The following FRMPD4 variants were observed in gnomAD, a reference collection of about 807,000 sequenced individuals.
FRMPD4 encodes the protein FERM and PDZ domain containing 4.
In FRMPD4, 22 loss-of-function variants were observed where a neutral mutation model predicts 94.1. The observed-to-expected ratio is 0.23, with a 90% CI of 0.17 to 0.33. FRMPD4 has a LOEUF of 0.33. Ranked by LOEUF, FRMPD4 falls within the 10% of genes least tolerant of loss-of-function variation. FRMPD4 has a pLI of 1.00. For missense variants in FRMPD4, 1,111 were observed against 1,339.9 expected (o/e 0.83, Z 2.67); for synonymous variants, 631 against 548.6 (o/e 1.15, Z -2.10).
At chrX:12,053,398 GAA>G (rs1355382735) in intron 3 of FRMPD4, among the ~76,000 whole-genome samples, 7 of 88,943 alleles carry the variant, frequency 7.9e-5, no homozygotes, top group East Asian at 7.3e-4. Flanking sequence ...AAGAAAGAAA[GAA>G]AGAAAGAAAG....
chrX:11,981,648 C>T (rs764542208), intron 3 of FRMPD4, among the ~76,000 whole-genome samples: 11 of 111,334 alleles, frequency 9.9e-5, no homozygotes, highest in Admixed American at 4.8e-4. Flanking sequence ...CAAGCAAGTA[C>T]GGTCTATCAT....
chrX:11,907,857 T>C, intron 3 of FRMPD4, among the ~76,000 whole-genome samples: 1 of 111,375 alleles, frequency 9.0e-6, no homozygotes, highest in Non-Finnish European at 1.9e-5. Flanking sequence ...GTAACTTGCT[T>C]TGCTTTAATC....
intron 3 of FRMPD4, among the ~76,000 whole-genome samples, chrX:11,999,873 G>A (rs1402618737): frequency 5.6e-5 from 6 of 107,763 alleles, no homozygotes; most frequent in Non-Finnish European, 9.4e-5. Context: ...TGATGGCTCT[G>A]TCTGTCTTTG....
intron 3 of FRMPD4, among the ~76,000 whole-genome samples, chrX:12,613,805 G>A (rs1051709589): frequency 2.7e-5 from 3 of 111,821 alleles, no homozygotes; most frequent in African/African-American, 6.5e-5. Flanking sequence ...GTGAAACCCC[G>A]TCTCTACTAA....
At chrX:12,208,593 GTT>G (rs2056720416) in intron 1 of FRMPD4, among the ~76,000 whole-genome samples, 1 of 111,685 alleles carries the variant, frequency 9.0e-6, no homozygotes, top group East Asian at 2.8e-4. Context: ...ATAGCTGATT[GTT>G]AATTACTGTT....
intron 1 of FRMPD4, among the ~76,000 whole-genome samples, chrX:12,448,897 A>G (rs931674337): frequency 1.8e-5 from 2 of 111,699 alleles, no homozygotes; most frequent in African/African-American, 6.5e-5. Context: ...GCAGGCATGG[A>G]CTTAATGTCC....
At chrX:12,025,507 G>A (rs955447056) in intron 3 of FRMPD4, among the ~76,000 whole-genome samples, 8 of 111,731 alleles carry the variant, frequency 7.2e-5, no homozygotes, top group South Asian at 3.8e-4. Context: ...TCACATCTTT[G>A]TGTAATCTCC....
rs182981578 is a variant in FRMPD4 at position 12,043,644 on chromosome X, A to T, written c.95+165626A>T. On this transcript the variant is annotated intron_variant, in intron 3 of 18. Transcript: ENST00000640291. ...GTTTTCTCTAATCTATAGCACAATT[A>T]AAAAAAAGTAACAATTTAACATGCT... Among the ~76,000 whole-genome samples the T allele has an allele frequency of 5.6e-3, 630 of 111,660 alleles. 3 individuals are homozygous for T. Among genetic ancestry groups the T allele is most frequent in the African/African-American group, 0.019 (598 of 30,798 alleles).
At chrX:12,080,910 C>T (rs1251568851) in intron 3 of FRMPD4, among the ~76,000 whole-genome samples, 1 of 111,944 alleles carries the variant, frequency 8.9e-6, no homozygotes, top group African/African-American at 3.2e-5. Flanking sequence ...TTACCTTCCC[C>T]CAAAATGTGC....
intron 1 of FRMPD4, among the ~76,000 whole-genome samples, chrX:12,260,809 C>T (rs2054178191): frequency 8.9e-6 from 1 of 112,014 alleles, no homozygotes; most frequent in Admixed American, 9.4e-5. Context: ...CCCAATAAAG[C>T]ATGCTGTTTC....
At chrX:12,105,740 T>A (rs2055291816) in intron 3 of FRMPD4, among the ~76,000 whole-genome samples, 1 of 112,233 alleles carries the variant, frequency 8.9e-6, no homozygotes, top group Admixed American at 9.4e-5. Context: ...ATTCATTTAG[T>A]ATTTATTTAT....
intron 1 of FRMPD4, among the ~76,000 whole-genome samples, chrX:12,411,742 C>G: frequency 8.9e-6 from 1 of 111,816 alleles, no homozygotes; most frequent in East Asian, 2.8e-4. Context: ...TTTCTGCCCT[C>G]TGTTATTGCA....
chrX:12,389,473 C>A (rs866473508), intron 1 of FRMPD4, among the ~76,000 whole-genome samples: 10 of 92,089 alleles, frequency 1.1e-4, no homozygotes, highest in Admixed American at 1.2e-4. Context: ...AGATCCATCT[C>A]AAAAAAAAAA....
At chrX:11,973,381 A>G (rs777514375) in intron 3 of FRMPD4, among the ~76,000 whole-genome samples, 2 of 112,026 alleles carry the variant, frequency 1.8e-5, no homozygotes, top group Non-Finnish European at 3.8e-5. Flanking sequence ...TCAGGTATAA[A>G]TCCATCTCCA....
At chrX:12,277,052 C>T (rs1402550712) in intron 1 of FRMPD4, among the ~76,000 whole-genome samples, 37 of 96,479 alleles carry the variant, frequency 3.8e-4, no homozygotes, top group African/African-American at 1.2e-3. Context: ...ACCCGGGAGG[C>T]GGAGCTTGCA....
rs760321464 is a variant in FRMPD4 at position 12,386,962 on chromosome X, G to C, written c.42-111718G>C. ...AAAAGCATTTGCTGAACAGTTAGTA[G>C]TTATACTAGAAAGAAATCAAAGTAT... On this transcript the variant is annotated intron_variant, in intron 1 of 16. Transcript: ENST00000675598. 2.7e-5 allele frequency among the ~76,000 whole-genome samples: 3 copies of C among 111,959 alleles called. No individual in the cohort carries two copies. The East Asian group carries it at 8.4e-4, about 31-fold the overall frequency.
rs139115133 is a variant in FRMPD4 at position 12,175,020 on chromosome X, C to T, written c.41+36008C>T. The stretch of plus-strand genomic sequence containing the variant: ...TTGATTTTGATAGTTGCATGTCTTC[C>T]CAAATAGGATGTAAGCTTCTAGACT... On this transcript the variant is annotated intron_variant, in intron 1 of 16. Transcript: ENST00000675598. Among the ~76,000 whole-genome samples, 6 of 112,102 alleles carry T rather than the reference C, an allele frequency of 5.4e-5. No individual in the cohort carries two copies. In the East Asian group the frequency reaches 1.7e-3, roughly 31 times the overall value.
intron 6 of FRMPD4, among the ~76,000 whole-genome samples, chrX:12,684,480 A>G (rs1311328642): frequency 8.9e-6 from 1 of 111,837 alleles, no homozygotes; most frequent in African/African-American, 3.3e-5. Context: ...TCTTTGAATC[A>G]AAACTTACTG....
intron 1 of FRMPD4, among the ~76,000 whole-genome samples, chrX:12,349,665 C>T (rs1046191853): frequency 6.3e-5 from 7 of 111,532 alleles, no homozygotes; most frequent in South Asian, 3.8e-4. Flanking sequence ...GTATTATGTC[C>T]GGTTCAATCA....
Sources: gnomAD v4.1 joint callset for allele counts (sites outside exome capture counted in the v4.1 genomes callset) on GRCh38, gnomAD v4.1.1 for gene constraint, MANE v1.5 for transcripts, NCBI Gene and HGNC (gene_info 2026-07-23, HGNC 2026-07-21) for gene names.